The following FSTL4 variants were observed in gnomAD, a reference collection of about 807,000 sequenced individuals.
FSTL4 encodes the protein follistatin-related protein 4.
In FSTL4, 28 loss-of-function variants were observed where a neutral mutation model predicts 78.2. The observed-to-expected ratio is 0.36, with a 90% CI of 0.27 to 0.49. The LOEUF is 0.49. Ranked by LOEUF, FSTL4 falls within the 20% of genes least tolerant of loss-of-function variation. The probability of loss-of-function intolerance (pLI) is 0.98; values close to 1 mark genes in which losing one functional copy is unlikely to be tolerated. For synonymous variants in FSTL4, 422 were observed against 440.5 expected, an observed-to-expected ratio of 0.96 and a Z score of 0.53; for missense variants, 922 against 1,084.9, an observed-to-expected ratio of 0.85 and a Z score of 2.11.
intron 3 of FSTL4, among the ~76,000 whole-genome samples, chr5:133,489,169 AG>A (rs1188706350): frequency 6.6e-6 from 1 of 152,240 alleles, no homozygotes; most frequent in Non-Finnish European, 1.5e-5. Context: ...CTGAAGTGAT[AG>A]GGCAGACCCT....
At chr5:133,694,567 A>G in the FSTL4 span, among the ~76,000 whole-genome samples, 4 of 152,222 alleles carry the variant, frequency 2.6e-5, no homozygotes, top group African/African-American at 9.6e-5. Context: ...ATGCTCCCAC[A>G]TACACACATA....
At chr5:133,839,751 G>C in the FSTL4 span, among the ~76,000 whole-genome samples, 1 of 152,288 alleles carries the variant, frequency 6.6e-6, no homozygotes, top group East Asian at 1.9e-4. Flanking sequence ...ATGCTTTTTT[G>C]GGTGTTCCAA....
chr5:133,323,168 G>A (rs1754116254), intron 4 of FSTL4, among the ~76,000 whole-genome samples: 1 of 152,120 alleles, frequency 6.6e-6, no homozygotes, highest in Non-Finnish European at 1.5e-5. Context: ...TCACCACAAG[G>A]TCAGACAGAA....
At chr5:133,401,727 T>A (rs1756229018) in intron 3 of FSTL4, among the ~76,000 whole-genome samples, 1 of 152,128 alleles carries the variant, frequency 6.6e-6, no homozygotes, top group African/African-American at 2.4e-5. Context: ...GATGTGCCAG[T>A]GGGCCCTGCA....
At chr5:133,624,297 C>G in the FSTL4 span, among the ~76,000 whole-genome samples, 1 of 151,892 alleles carries the variant, frequency 6.6e-6, no homozygotes, top group African/African-American at 2.4e-5. Context: ...ATACATGCTA[C>G]AACATAGCTG....
intron 4 of FSTL4, among the ~76,000 whole-genome samples, chr5:133,320,677 G>C (rs1045646314): frequency 6.6e-6 from 1 of 152,076 alleles, no homozygotes; most frequent in African/African-American, 2.4e-5. Flanking sequence ...TGCGGGCTCC[G>C]AGACCTGTTT....
chr5:133,336,165 C>A (rs974547204), intron 4 of FSTL4, among the ~76,000 whole-genome samples: 2 of 152,238 alleles, frequency 1.3e-5, no homozygotes, highest in African/African-American at 4.8e-5. Context: ...CATTTTGAGG[C>A]CCTGGAACTG....
the FSTL4 span, among the ~76,000 whole-genome samples, chr5:133,658,495 C>T: frequency 6.6e-6 from 1 of 152,058 alleles, no homozygotes. Flanking sequence ...TCTAGTTCCT[C>T]TTTTTATCTC....
At chr5:133,401,180 T>C (rs1756215831) in intron 3 of FSTL4, among the ~76,000 whole-genome samples, 194 bp from the exon 4 acceptor site, 5 of 152,118 alleles carry the variant, frequency 3.3e-5, no homozygotes, top group Admixed American at 3.3e-4. Flanking sequence ...CCAAGAAGGG[T>C]GTCCTGCCTT....
the FSTL4 span, among the ~76,000 whole-genome samples, chr5:133,751,448 G>A: frequency 6.6e-6 from 1 of 152,172 alleles, no homozygotes; most frequent in Non-Finnish European, 1.5e-5. Flanking sequence ...GTTTCTTTTT[G>A]TTATCTAAGG....
intron 3 of FSTL4, among the ~76,000 whole-genome samples, chr5:133,530,403 C>T (rs1055919203): frequency 2.0e-5 from 3 of 152,226 alleles, no homozygotes; most frequent in African/African-American, 7.2e-5. Flanking sequence ...TCGCTGCCTG[C>T]TCAGGGACAT....
chr5:133,468,818 A>G (rs977645407), intron 3 of FSTL4, among the ~76,000 whole-genome samples: 2 of 152,180 alleles, frequency 1.3e-5, no homozygotes, highest in African/African-American at 2.4e-5. Context: ...TCAGTGCGGG[A>G]AACAGACGGC....
the FSTL4 span, among the ~76,000 whole-genome samples, chr5:133,689,842 C>G: frequency 6.6e-6 from 1 of 152,122 alleles, no homozygotes; most frequent in Non-Finnish European, 1.5e-5. Context: ...GGGTGGATCA[C>G]CTGAGGTCAG....
intron 6 of FSTL4, among the ~76,000 whole-genome samples, chr5:133,274,705 T>A (rs1278824176): frequency 6.6e-6 from 1 of 152,130 alleles, no homozygotes; most frequent in Non-Finnish European, 1.5e-5. Flanking sequence ...AAGCACACAC[T>A]CAACTCCAAG....
intron 4 of FSTL4, among the ~76,000 whole-genome samples, chr5:133,370,586 G>T (rs1580655743): frequency 6.6e-6 from 1 of 152,226 alleles, no homozygotes; most frequent in Non-Finnish European, 1.5e-5. Context: ...GCAGAGTTGT[G>T]TGAGGACAGG....
chr5:133,823,931 TA>T, the FSTL4 span, among the ~76,000 whole-genome samples: 1 of 152,228 alleles, frequency 6.6e-6, no homozygotes, highest in East Asian at 1.9e-4. Flanking sequence ...TTTAATTTTT[TA>T]AAGAATGTTG....
At chr5:133,685,766 G>C in the FSTL4 span, among the ~76,000 whole-genome samples, 2 of 152,222 alleles carry the variant, frequency 1.3e-5, no homozygotes, top group Admixed American at 6.5e-5. Context: ...GAGGCAGGCA[G>C]GCCCCAATTC....
chr5:133,479,882 G>A (rs1455899511), intron 3 of FSTL4, among the ~76,000 whole-genome samples: 1 of 151,734 alleles, frequency 6.6e-6, no homozygotes, highest in East Asian at 1.9e-4. Flanking sequence ...GAAATACTAT[G>A]TTAATGCCAT....
rs573935010 is a variant in FSTL4 at position 133,225,832 on chromosome 5, G to A, written c.1016-13C>T. 2.6e-6 allele frequency: 4 copies of A among 1,546,672 alleles called. No individual in the cohort carries two copies. The African/African-American group carries it at 4.1e-5, about 16-fold the overall frequency. ...ATGACTGGCGGCACTGTGGGTGAGA[G>A]TCAGTGCTGGTGAGAAAGAGACGGC... On this transcript the variant is annotated splice_polypyrimidine_tract_variant and intron_variant, in intron 8 of 15. Transcript: ENST00000265342. This position sits in a 1 kb window ranked among gnomAD's most constrained non-coding sequence, Gnocchi z 4.6.
Sources: gnomAD v4.1 joint callset for allele counts (sites outside exome capture counted in the v4.1 genomes callset) on GRCh38, gnomAD v4.1.1 for gene constraint, Gnocchi (gnomAD v3.1) non-coding constraint, MANE v1.5 for transcripts, NCBI Gene and HGNC (gene_info 2026-07-23, HGNC 2026-07-21) for gene names.